FBXO11: variants seen among roughly 807,000 people sequenced by gnomAD.
The protein encoded by FBXO11 is F-box only protein 11.
A neutral mutation model predicts 117.0 loss-of-function variants in FBXO11; 13 were observed. The ratio of observed to expected loss-of-function variants is 0.11; its 90% CI spans 0.07 to 0.18. The LOEUF (loss-of-function observed/expected upper bound fraction) is 0.18, where lower values mean the gene tolerates loss of function less well. Ranked by LOEUF, FBXO11 falls within the 10% of genes least tolerant of loss-of-function variation. The probability of loss-of-function intolerance (pLI) is 1.00; values close to 1 mark genes in which losing one functional copy is unlikely to be tolerated. For missense variants in FBXO11, 767 were observed against 1,164.4 expected, an observed-to-expected ratio of 0.66 and a Z score of 4.97; for synonymous variants, 490 against 380.5, an observed-to-expected ratio of 1.29 and a Z score of -3.35.
At chr2:47,896,759 TGTAA>T (rs1329800330) in intron 1 of FBXO11, among the ~76,000 whole-genome samples, 1 of 152,228 alleles carries the variant, frequency 6.6e-6, no homozygotes, top group Admixed American at 6.5e-5. Flanking sequence ...GTCATTCATA[TGTAA>T]GTGTGAAGTA....
chr2:47,821,464 G>A (rs887355152), intron 13 of FBXO11, among the ~76,000 whole-genome samples: 16 of 152,252 alleles, frequency 1.1e-4, no homozygotes, highest in African/African-American at 3.4e-4. Context: ...CAAAAAATTA[G>A]CCGGGCGTGG....
chr2:47,862,186 G>A (rs1289965978), intron 1 of FBXO11, among the ~76,000 whole-genome samples: 4 of 152,138 alleles, frequency 2.6e-5, no homozygotes, highest in Non-Finnish European at 4.4e-5. Context: ...CTCCCAAAGT[G>A]CTGGGACTAC....
chr2:47,846,461 G>C (rs1673419202), intron 1 of FBXO11, among the ~76,000 whole-genome samples: 1 of 151,706 alleles, frequency 6.6e-6, no homozygotes, highest in African/African-American at 2.4e-5. Flanking sequence ...AAACGAAACT[G>C]TTTCAAAAAA....
chr2:47,841,556 C>A (rs1387228095), intron 1 of FBXO11, among the ~76,000 whole-genome samples: 1 of 152,110 alleles, frequency 6.6e-6, no homozygotes, highest in Non-Finnish European at 1.5e-5. Flanking sequence ...AGTTTCTTAA[C>A]AAATAAACTG....
At chr2:47,882,342 G>A (rs1486510705) in intron 1 of FBXO11, among the ~76,000 whole-genome samples, 1 of 152,172 alleles carries the variant, frequency 6.6e-6, no homozygotes, top group Non-Finnish European at 1.5e-5. Context: ...GGGTAGTTAG[G>A]AAGGTTTCTG....
chr2:47,832,031 G>C (rs111714501), intron 11 of FBXO11, among the ~76,000 whole-genome samples: 8 of 152,248 alleles, frequency 5.3e-5, no homozygotes, highest in Non-Finnish European at 7.4e-5. Context: ...GGAGGATACA[G>C]GAATTTTCTT....
chr2:47,856,297 A>C (rs376742294), intron 1 of FBXO11, among the ~76,000 whole-genome samples: 3 of 152,190 alleles, frequency 2.0e-5, no homozygotes, highest in Non-Finnish European at 4.4e-5. Flanking sequence ...CTTCTCCACA[A>C]TCTTTCTTAA....
chr2:47,899,007 G>A (rs1271169347), intron 1 of FBXO11, among the ~76,000 whole-genome samples: 2 of 152,072 alleles, frequency 1.3e-5, no homozygotes, highest in African/African-American at 2.4e-5. Flanking sequence ...AGGCACGGTG[G>A]CTCATGCCTG....
Position 47,832,690 on chromosome 2 carries a change from T to A in FBXO11, c.1154-12A>T. The A allele has an allele frequency of 6.2e-7, 1 of 1,611,808 alleles. No individual in the cohort carries two copies. Among genetic ancestry groups the A allele is most frequent in the African/African-American group, 1.3e-5 (1 of 74,924 alleles). On this transcript the variant is annotated splice_polypyrimidine_tract_variant and intron_variant, in intron 9 of 22. Coordinates refer to ENST00000403359, the MANE Select transcript of FBXO11 (RefSeq NM_001190274.2). ...TACTGCAGAACCAACTGTAGAAAAA[T>A]TATTTATTTATGTAAAAACCTACTG...
chr2:47,855,384 T>C lies in FBXO11; in HGVS notation c.233-15615A>G, dbSNP rs982671546. Among the ~76,000 whole-genome samples the C allele has an allele frequency of 5.1e-4, 78 of 152,142 alleles. 1 individual carries two copies. The highest frequency in any genetic ancestry group is 2.2e-4 in the Non-Finnish European group (15 of 68,018). On this transcript the variant is annotated intron_variant, in intron 1 of 22. Transcript: ENST00000403359. ...TTTTTGCAGAGATGGGGTCTCACCATGTTCCCAGGCTTGTAGGTAGACTCA... is the reference window on the plus strand; with the variant it reads ...TTTTTGCAGAGATGGGGTCTCACCACGTTCCCAGGCTTGTAGGTAGACTCA...
At chr2:47,896,963 G>C (rs1429924877) in intron 1 of FBXO11, among the ~76,000 whole-genome samples, 4 of 152,088 alleles carry the variant, frequency 2.6e-5, no homozygotes, top group Non-Finnish European at 5.9e-5. Flanking sequence ...AGTCTGGAAA[G>C]ACTCCTACTT....
chr2:47,881,732 G>A (rs964623943), intron 1 of FBXO11, among the ~76,000 whole-genome samples: 2 of 149,470 alleles, frequency 1.3e-5, no homozygotes, highest in Admixed American at 6.7e-5. Flanking sequence ...ATATTCTGTC[G>A]TTATGATCTC....
chr2:47,858,032 C>G (rs1674449465), intron 1 of FBXO11, among the ~76,000 whole-genome samples: 1 of 152,100 alleles, frequency 6.6e-6, no homozygotes, highest in African/African-American at 2.4e-5. Flanking sequence ...GCCAAAATAT[C>G]TTTTTAAAAA....
chr2:47,837,945 G>A (rs896478406), intron 4 of FBXO11, among the ~76,000 whole-genome samples: 20 of 151,896 alleles, frequency 1.3e-4, no homozygotes, highest in African/African-American at 4.8e-4. Flanking sequence ...AAAAACCTGG[G>A]CTGGGTGCAA....
chr2:47,819,373 G>A (rs368014598), intron 14 of FBXO11, among the ~76,000 whole-genome samples: 7 of 152,012 alleles, frequency 4.6e-5, no homozygotes, highest in East Asian at 3.9e-4. Context: ...CTGCCACCAC[G>A]CCTGGCTAAT....
intron 1 of FBXO11, among the ~76,000 whole-genome samples, chr2:47,884,776 C>T (rs1476041994): frequency 1.3e-5 from 2 of 152,282 alleles, no homozygotes; most frequent in East Asian, 3.9e-4. Flanking sequence ...GTAATTAAAA[C>T]TTCATTCTGG....
intron 4 of FBXO11, 109 bp downstream of exon 4, chr2:47,838,750 T>C (rs1302387493): frequency 2.1e-6 from 2 of 930,294 alleles, no homozygotes; most frequent in African/African-American, 1.7e-5. Context: ...TTAATTTTGT[T>C]CCAACTAATT....
rs530028203 is a variant in FBXO11 at position 47,836,110 on chromosome 2, G to T, written c.588-109C>A. On this transcript the variant is annotated intron_variant, in intron 4 of 22. Transcript: ENST00000403359. ...AGGCCTCAAAAACTTGAGTAAGAAA[G>T]TAAGAATAGACAAAAATGAATATTA... 13 of 673,002 alleles carry T rather than the reference G, an allele frequency of 1.9e-5. No homozygotes were observed. In the South Asian group the frequency reaches 2.9e-4, roughly 15 times the overall value. The allele number at this position is 673,002 out of a possible 1,614,324, so 41.7% of individuals were successfully genotyped here.
At chr2:47,897,616 G>C (rs184006023) in intron 1 of FBXO11, among the ~76,000 whole-genome samples, 320 of 145,048 alleles carry the variant, frequency 2.2e-3, no homozygotes, top group African/African-American at 7.6e-3. Context: ...AGAATCACTT[G>C]AACTCAGGAG....
Sources: allele counts gnomAD v4.1 joint callset (sites outside exome capture counted in the v4.1 genomes callset), GRCh38; gene constraint gnomAD v4.1.1; transcripts MANE v1.5; gene names NCBI Gene and HGNC (gene_info 2026-07-23, HGNC 2026-07-21).